CTPS2: variants seen among roughly 807,000 people sequenced by gnomAD.
The protein encoded by CTPS2 is CTP synthase 2, also known as CTP synthase II.
In CTPS2, 19 loss-of-function variants were observed where a neutral mutation model predicts 46.8. The ratio of observed to expected loss-of-function variants is 0.41; its 90% CI spans 0.28 to 0.60. CTPS2 has a LOEUF of 0.60. Among genes scored for constraint, CTPS2 ranks in the 20% least tolerant of loss-of-function variants. CTPS2 has a pLI of 0.35. For missense variants in CTPS2, 286 were observed against 447.6 expected (o/e 0.64, Z 3.26); for synonymous variants, 151 against 165.2 (o/e 0.91, Z 0.66).
At position 16,647,255 on chromosome X, in the gene CTPS2, C is replaced by CTTTTTT. The variant is rs746634342; in HGVS notation, c.1297-8018_1297-8013dup. ...GACAATAGGCAGCATTGGGCCCATT[C>CTTTTTT]TTTTTTTTTTTTTTTTTTTTTTTTT... On this transcript the variant is annotated intron_variant, in intron 13 of 18. Coordinates refer to ENST00000359276, the MANE Select transcript of CTPS2 (RefSeq NM_175859.3). Among the ~76,000 whole-genome samples the CTTTTTT allele has an allele frequency of 2.5e-3, 99 of 39,755 alleles. 7 individuals are homozygous for CTTTTTT. The highest frequency in any genetic ancestry group is 9.6e-3 in the African/African-American group (95 of 9,883). The allele number at this position is 39,755 out of a possible 115,157, so 34.5% of individuals were successfully genotyped here.
intron 1 of CTPS2, among the ~76,000 whole-genome samples, chrX:16,704,908 A>G (rs1042369803): frequency 9.0e-6 from 1 of 111,578 alleles, no homozygotes; most frequent in Non-Finnish European, 1.9e-5. Flanking sequence ...AGATCAGGCC[A>G]TTGCACTCCA....
chrX:16,660,278 T>G (rs889458613), intron 13 of CTPS2, among the ~76,000 whole-genome samples: 1 of 110,386 alleles, frequency 9.1e-6, no homozygotes, highest in Non-Finnish European at 1.9e-5. Context: ...TGGAGTGGCA[T>G]GATCATGGCT....
At chrX:16,702,190 G>A (rs955138641) in intron 2 of CTPS2, among the ~76,000 whole-genome samples, 2 of 109,744 alleles carry the variant, frequency 1.8e-5, no homozygotes, top group African/African-American at 6.6e-5. Flanking sequence ...GAGTAGATGG[G>A]ACTACAGACA....
At chrX:16,697,198 G>C (rs1272962576) in intron 4 of CTPS2, among the ~76,000 whole-genome samples, 1 of 110,646 alleles carries the variant, frequency 9.0e-6, no homozygotes, top group Non-Finnish European at 1.9e-5. Flanking sequence ...AACCCAGACA[G>C]TTTGCCTCCA....
rs1331640493 is a variant in CTPS2, at chrX:16,646,489, G to A, written c.1297-7246C>T. 2.7e-5 allele frequency among the ~76,000 whole-genome samples: 3 copies of A among 112,673 alleles called. No individual in the cohort carries two copies. In the South Asian group the frequency reaches 1.1e-3, roughly 41 times the overall value. On this transcript the variant is annotated intron_variant, in intron 13 of 18. Coordinates refer to ENST00000359276, the MANE Select transcript of CTPS2 (RefSeq NM_175859.3). ...GACCTCTGGGAACTCAACTGCTGAA[G>A]GTGAGCACAGGCTGACCCAAAAGAC... is the stretch of plus-strand genomic sequence containing the variant.
In CTPS2 at chrX:16,589,422, A is replaced by G. The variant is rs1928775054; in HGVS notation, c.*395T>C. On this transcript the variant is annotated 3_prime_UTR_variant, in exon 19 of 19. Transcript: ENST00000359276. ...ACAGTGACTCATTTTCTTACTCAAAATTACTTACAGCATGTTCCCTGCCAT... is the reference window on the plus strand; with the variant it reads ...ACAGTGACTCATTTTCTTACTCAAAGTTACTTACAGCATGTTCCCTGCCAT... The G allele has an allele frequency of 8.9e-6, 1 of 112,279 alleles. No individual in the cohort carries two copies. Among genetic ancestry groups the G allele is most frequent in the Non-Finnish European group, 1.9e-5 (1 of 53,282 alleles). 9.3% of individuals were successfully genotyped at this position (112,279 alleles called of 1,213,427 possible).
At chrX:16,633,730 G>A (rs372051960) in intron 14 of CTPS2, among the ~76,000 whole-genome samples, 2 of 111,900 alleles carry the variant, frequency 1.8e-5, no homozygotes, top group African/African-American at 3.2e-5. Context: ...AACAGAAATA[G>A]GGCTCTTTTT....
intron 14 of CTPS2, among the ~76,000 whole-genome samples, chrX:16,625,996 G>C (rs1602155500): frequency 8.9e-6 from 1 of 111,744 alleles, no homozygotes; most frequent in African/African-American, 3.3e-5. Flanking sequence ...TTCCAGGCTT[G>C]AGGGTCGGGC....
chrX:16,694,850 T>A (rs1923990468), intron 4 of CTPS2, among the ~76,000 whole-genome samples: 1 of 111,685 alleles, frequency 9.0e-6, no homozygotes, highest in Admixed American at 9.5e-5. Flanking sequence ...AAAAATTAGC[T>A]GGGCATGGCG....
chrX:16,606,107 C>T (rs1372697444), intron 17 of CTPS2, among the ~76,000 whole-genome samples: 1 of 112,642 alleles, frequency 8.9e-6, no homozygotes, highest in Non-Finnish European at 1.9e-5. Context: ...GTACGCTTAA[C>T]TCAAAGGCAA....
chrX:16,653,985 T>C (rs1350509513), intron 13 of CTPS2, among the ~76,000 whole-genome samples: 1 of 111,327 alleles, frequency 9.0e-6, no homozygotes, highest in Admixed American at 9.6e-5. Flanking sequence ...ATGTCAGCCC[T>C]AGCCCTGGAG....
chrX:16,667,685 G>A lies in CTPS2; in HGVS notation c.1229C>T (p.Ala410Val). The A allele has an allele frequency of 1.7e-6, 2 of 1,211,082 alleles. No individual in the cohort carries two copies. Among genetic ancestry groups the A allele is most frequent in the Non-Finnish European group, 2.2e-6 (2 of 895,116 alleles). The change falls in exon 12 of 19, where the codon GCA becomes GTA. Residue 410 changes from alanine (A) to valine (V), a missense_variant. Physicochemically the swap from Ala to Val is moderately conservative, Grantham distance 64 (BLOSUM62 0). Coordinates refer to ENST00000359276, the MANE Select transcript of CTPS2 (RefSeq NM_175859.3). ...ACCTTTCAAGTTAAGGCAGTTTCTT[G>A]CAAACTCTATCACTGCTAGTTGCAT... ...LGMQLAVIEFARNCLNLKDAD... is the reference protein window; with the variant it reads ...LGMQLAVIEFVRNCLNLKDAD...
intron 17 of CTPS2, among the ~76,000 whole-genome samples, chrX:16,592,495 C>G (rs1928962358): frequency 9.0e-6 from 1 of 111,692 alleles, no homozygotes; most frequent in African/African-American, 3.3e-5. Context: ...CTCCCTAGAT[C>G]CAGATCTGTG....
chrX:16,674,081 T>C (rs1369685608), intron 10 of CTPS2, among the ~76,000 whole-genome samples: 1 of 110,455 alleles, frequency 9.1e-6, no homozygotes. Flanking sequence ...AATGTGTTTT[T>C]AGTAAAAGAT....
intron 13 of CTPS2, among the ~76,000 whole-genome samples, chrX:16,641,649 T>C (rs920963063): frequency 8.9e-6 from 1 of 112,024 alleles, no homozygotes; most frequent in Non-Finnish European, 1.9e-5. Context: ...GGTGGAAAGA[T>C]TGCTAGAGCC....
intron 4 of CTPS2, among the ~76,000 whole-genome samples, chrX:16,694,995 C>T (rs1013584104): frequency 1.3e-4 from 10 of 76,382 alleles, no homozygotes; most frequent in African/African-American, 7.1e-4. Context: ...GACACTGTCT[C>T]TTTAAAAAAC....
chrX:16,695,025 A>ACTC (rs1330288443), intron 4 of CTPS2, among the ~76,000 whole-genome samples: 6 of 109,873 alleles, frequency 5.5e-5, no homozygotes, highest in Admixed American at 4.9e-4. Context: ...AACAACAACA[A>ACTC]CTCAACGAAA....
At chrX:16,679,779 G>A (rs1336798774) in intron 9 of CTPS2, among the ~76,000 whole-genome samples, 1 of 111,278 alleles carries the variant, frequency 9.0e-6, no homozygotes, top group African/African-American at 3.3e-5. Context: ...ACCAGAGGTT[G>A]GTCCTCTGCA....
At chrX:16,664,233 T>C (rs1920990944) in intron 13 of CTPS2, among the ~76,000 whole-genome samples, 1 of 112,372 alleles carries the variant, frequency 8.9e-6, no homozygotes, top group South Asian at 3.6e-4. Flanking sequence ...TGGCACCTAC[T>C]GGTAAAATCA....
Sources: gnomAD v4.1 joint callset for allele counts (sites outside exome capture counted in the v4.1 genomes callset) on GRCh38, gnomAD v4.1.1 for gene constraint, MANE v1.5 for transcripts, NCBI Gene and HGNC (gene_info 2026-07-23, HGNC 2026-07-21) for gene names.